The following PHACTR1 variants were observed in gnomAD, a reference collection of about 807,000 sequenced individuals.
The protein encoded by PHACTR1 is phosphatase and actin regulator 1, also known as RPEL repeat containing 1.
PHACTR1 carries 16 observed loss-of-function variants against 69.2 expected under a neutral mutation model. The observed-to-expected ratio is 0.23, with a 90% CI of 0.16 to 0.35. PHACTR1 has a LOEUF of 0.35. Ranked by LOEUF, PHACTR1 falls within the 10% of genes least tolerant of loss-of-function variation. PHACTR1 has a pLI of 1.00. For synonymous variants in PHACTR1, 312 were observed against 284.5 expected, an observed-to-expected ratio of 1.10 and a Z score of -0.97; for missense variants, 510 against 734.7, an observed-to-expected ratio of 0.69 and a Z score of 3.54.
intron 5 of PHACTR1, among the ~76,000 whole-genome samples, chr6:13,100,000 A>T (rs934739512): frequency 6.6e-6 from 1 of 152,218 alleles, no homozygotes; most frequent in Non-Finnish European, 1.5e-5. Flanking sequence ...AAACAAGCAA[A>T]TATTGAGTGT....
intron 4 of PHACTR1, among the ~76,000 whole-genome samples, chr6:12,819,589 A>G (rs1008777290): frequency 6.6e-6 from 1 of 152,192 alleles, no homozygotes; most frequent in Non-Finnish European, 1.5e-5. Context: ...CATAAAATGG[A>G]AATATGAATT....
intron 4 of PHACTR1, among the ~76,000 whole-genome samples, chr6:12,966,507 A>G (rs1361335041): frequency 6.6e-6 from 1 of 152,206 alleles, no homozygotes; most frequent in Non-Finnish European, 1.5e-5. Context: ...GAGGAAGAGA[A>G]GCACTAATGT....
chr6:13,160,973 T>A (rs534574719), intron 6 of PHACTR1, among the ~76,000 whole-genome samples: 1 of 152,088 alleles, frequency 6.6e-6, no homozygotes, highest in Non-Finnish European at 1.5e-5. Flanking sequence ...TTTATGGTAT[T>A]TTAGTTTATT....
rs1424531915 is a variant in PHACTR1 at position 12,830,213 on chromosome 6, C to T, written c.250+80423C>T. Reference sequence around the variant, plus strand: ...TATTTAATTCACAACTAAGTGAAGGCTGAAAATTGAAAATGAACTAAAAAC... The same window carrying T: ...TATTTAATTCACAACTAAGTGAAGGTTGAAAATTGAAAATGAACTAAAAAC... On this transcript the variant is annotated intron_variant, in intron 4 of 14. Coordinates refer to ENST00000332995, the MANE Select transcript of PHACTR1 (RefSeq NM_030948.6). Among the ~76,000 whole-genome samples the T allele has an allele frequency of 2.6e-5, 4 of 151,660 alleles. No homozygotes were observed. In the East Asian group the frequency reaches 7.8e-4, roughly 29 times the overall value.
chr6:12,760,357 T>C (rs938008584), intron 4 of PHACTR1, among the ~76,000 whole-genome samples: 2 of 152,150 alleles, frequency 1.3e-5, no homozygotes, highest in African/African-American at 4.8e-5. Context: ...CTTAGAAAGT[T>C]AGGAAAATTT....
intron 6 of PHACTR1, among the ~76,000 whole-genome samples, chr6:13,178,466 T>C (rs1032641083): frequency 2.0e-5 from 3 of 152,238 alleles, no homozygotes; most frequent in African/African-American, 7.2e-5. Flanking sequence ...AAAGGAGCAC[T>C]AACATCACCC....
At chr6:12,818,669 G>T (rs575928351) in intron 4 of PHACTR1, among the ~76,000 whole-genome samples, 2 of 152,198 alleles carry the variant, frequency 1.3e-5, no homozygotes, top group Admixed American at 1.3e-4. Flanking sequence ...ATTTTCTAAT[G>T]AGTTGACAGC....
At chr6:12,816,420 G>A (rs2127703660) in intron 4 of PHACTR1, among the ~76,000 whole-genome samples, 1 of 152,232 alleles carries the variant, frequency 6.6e-6, no homozygotes, top group East Asian at 1.9e-4. Flanking sequence ...TGTATCTAGG[G>A]TTTCATGTCA....
At chr6:12,763,002 T>C (rs1422913030) in intron 4 of PHACTR1, among the ~76,000 whole-genome samples, 5 of 152,018 alleles carry the variant, frequency 3.3e-5, no homozygotes, top group Non-Finnish European at 7.4e-5. Flanking sequence ...TCACCTGAGG[T>C]TAGGAGTTCG....
intron 5 of PHACTR1, among the ~76,000 whole-genome samples, chr6:13,086,712 C>G (rs553172136): frequency 6.6e-6 from 1 of 152,052 alleles, no homozygotes; most frequent in Non-Finnish European, 1.5e-5. Flanking sequence ...ACCCATTTGA[C>G]CAGTTGAAAG....
chr6:13,191,794 A>G (rs1763637329), intron 7 of PHACTR1, among the ~76,000 whole-genome samples: 1 of 152,240 alleles, frequency 6.6e-6, no homozygotes, highest in Admixed American at 6.5e-5. Context: ...AAAATAAAAA[A>G]TGGAAACAAC....
At chr6:12,724,637 T>C (rs778014225) in intron 3 of PHACTR1, among the ~76,000 whole-genome samples, 2 of 152,168 alleles carry the variant, frequency 1.3e-5, no homozygotes, top group Non-Finnish European at 2.9e-5. Context: ...ACTGATCAAA[T>C]CAACCCCGCA....
Position 12,992,818 on chromosome 6 carries a change from G to T in PHACTR1, c.251-60547G>T, listed in dbSNP as rs1347974416. 8.5e-5 allele frequency among the ~76,000 whole-genome samples: 13 copies of T among 152,312 alleles called. No individual in the cohort carries two copies. In the East Asian group the frequency reaches 2.5e-3, roughly 29 times the overall value. ...GTGAAATGCCCGGGGTGGGGCAGGG[G>T]TTTATAGACGAGCTTGAGAAGGCAG... On this transcript the variant is annotated intron_variant, in intron 4 of 14. Coordinates refer to ENST00000332995, the MANE Select transcript of PHACTR1 (RefSeq NM_030948.6).
chr6:12,739,325 C>T lies in PHACTR1; in HGVS notation c.104-10319C>T, dbSNP rs569115510. Among the ~76,000 whole-genome samples, 4 of 151,696 alleles carry T rather than the reference C, an allele frequency of 2.6e-5. No homozygotes were observed. The South Asian group carries it at 6.3e-4, about 24-fold the overall frequency. On this transcript the variant is annotated intron_variant, in intron 3 of 14. Transcript: ENST00000332995. ...CAGGATGATAGCCTAAAAATAAGGG[C>T]GAGACACACCAAAAAAAGACAGAAT...
intron 4 of PHACTR1, among the ~76,000 whole-genome samples, chr6:12,921,815 CA>C (rs1787743424): frequency 2.6e-4 from 1 of 3,888 alleles, no homozygotes; most frequent in Non-Finnish European, 6.1e-4. Context: ...AGGGAGGGAG[CA>C]AGGGGGAAGG....
At chr6:12,923,857 A>G (rs1028128449) in intron 4 of PHACTR1, among the ~76,000 whole-genome samples, 2 of 152,198 alleles carry the variant, frequency 1.3e-5, no homozygotes, top group South Asian at 4.1e-4. Flanking sequence ...AGTGAGAGAG[A>G]TGATGACTAA....
chr6:12,858,336 T>C lies in PHACTR1; in HGVS notation c.250+108546T>C, dbSNP rs367921029. Among the ~76,000 whole-genome samples the C allele has an allele frequency of 3.3e-5, 5 of 152,290 alleles. No individual in the cohort carries two copies. The South Asian group carries it at 1.0e-3, about 32-fold the overall frequency. ...CTCTCAAAAGGCTGAAATGTACAAA[T>C]CATAAAACCAATTTGTTAATTTAGA... On this transcript the variant is annotated intron_variant, in intron 4 of 14. Transcript: ENST00000332995.
At position 13,109,856 on chromosome 6, in the gene PHACTR1, G is replaced by GTGTGTGTGTC. The variant is rs1554130095; in HGVS notation, c.416-50341_416-50340insGTCTGTGTGT. ...AGCGTGTGTGTGTGTGTGTGTGTGT[G>GTGTGTGTGTC]TGTGTGTCTGTGTGTTTCAGTTTGG... is the stretch of plus-strand genomic sequence containing the variant. On this transcript the variant is annotated intron_variant, in intron 5 of 14. Transcript: ENST00000332995. Among the ~76,000 whole-genome samples the GTGTGTGTGTC allele has an allele frequency of 9.9e-3, 1,489 of 150,680 alleles. 14 individuals carry two copies. Among genetic ancestry groups the GTGTGTGTGTC allele is most frequent in the African/African-American group, 0.033 (1,346 of 40,878 alleles).
intron 8 of PHACTR1, among the ~76,000 whole-genome samples, chr6:13,223,853 T>A (rs757502184): frequency 2.6e-5 from 4 of 152,180 alleles, no homozygotes; most frequent in Non-Finnish European, 4.4e-5. Flanking sequence ...CACTCTCCCT[T>A]CTTTCCTTCT....
Sources: allele counts gnomAD v4.1 joint callset (sites outside exome capture counted in the v4.1 genomes callset), GRCh38; gene constraint gnomAD v4.1.1; transcripts MANE v1.5; gene names NCBI Gene and HGNC (gene_info 2026-07-23, HGNC 2026-07-21).